Variants in TNS3 observed in about 807,000 individuals in gnomAD.
The protein encoded by TNS3 is tensin-3.
In TNS3, 45 loss-of-function variants were observed where a neutral mutation model predicts 140.9. That is an observed-to-expected ratio of 0.32 (90% confidence interval 0.25 to 0.41). The LOEUF is 0.41. TNS3 is among the 10% of genes least tolerant of loss of function. TNS3 has a pLI of 1.00. For missense variants in TNS3, 1,716 were observed against 1,906.7 expected (o/e 0.90, Z 1.86); for synonymous variants, 815 against 788.4 (o/e 1.03, Z -0.56).
chr7:47,414,592 G>A (rs895994478), intron 11 of TNS3, among the ~76,000 whole-genome samples: 1 of 152,166 alleles, frequency 6.6e-6, no homozygotes, highest in Non-Finnish European at 1.5e-5. Flanking sequence ...GTCGTGTGCT[G>A]TGCTCATCTA....
At chr7:47,516,889 C>G (rs1344145314) in intron 2 of TNS3, among the ~76,000 whole-genome samples, 1 of 152,064 alleles carries the variant, frequency 6.6e-6, no homozygotes, top group Non-Finnish European at 1.5e-5. Context: ...ATGGTGAAAC[C>G]CCAACTCTAC....
At chr7:47,549,309 G>T in intron 1 of TNS3, among the ~76,000 whole-genome samples, 1 of 152,120 alleles carries the variant, frequency 6.6e-6, no homozygotes, top group East Asian at 1.9e-4. Flanking sequence ...TGGCCAACAT[G>T]GTGAAACCCT....
At chr7:47,461,552 A>T (rs1345211868) in intron 4 of TNS3, among the ~76,000 whole-genome samples, 2 of 152,192 alleles carry the variant, frequency 1.3e-5, no homozygotes, top group African/African-American at 2.4e-5. Flanking sequence ...GTCCAGGAAC[A>T]TCATTGTTAC....
At chr7:47,333,621 GGAGTC>G (rs1206620948) in intron 20 of TNS3, among the ~76,000 whole-genome samples, 1 of 152,088 alleles carries the variant, frequency 6.6e-6, no homozygotes, top group Admixed American at 6.6e-5. Context: ...AACAGAAAAG[GGAGTC>G]GAGTACAGGA....
chr7:47,425,089 C>T (rs1176575988), intron 9 of TNS3, among the ~76,000 whole-genome samples: 6 of 152,178 alleles, frequency 3.9e-5, no homozygotes, highest in South Asian at 2.1e-4. Context: ...GAGGCCAAGG[C>T]GGGCGGATCA....
At chr7:47,330,695 G>T (rs553569134) in intron 20 of TNS3, among the ~76,000 whole-genome samples, 1 of 152,220 alleles carries the variant, frequency 6.6e-6, no homozygotes, top group African/African-American at 2.4e-5. Context: ...AGCAGACTTG[G>T]TTGCCAGAGG....
Position 47,481,109 on chromosome 7 carries a change from C to T in TNS3, c.-82G>A, listed in dbSNP as rs781298738. 7.8e-7 allele frequency: 1 copy of T among 1,289,772 alleles called. No individual in the cohort carries two copies. Among genetic ancestry groups the T allele is most frequent in the Non-Finnish European group, 1.0e-6 (1 of 988,862 alleles). 79.9% of individuals were successfully genotyped at this position (1,289,772 alleles called of 1,614,324 possible). ...AGAAATGCAAAGGGCTTACCTGTTC[C>T]AGTCGGACTTGCACACCGCAGGGAA... is the stretch of plus-strand genomic sequence containing the variant. On this transcript the variant is annotated 5_prime_UTR_variant, in exon 4 of 31. Coordinates refer to ENST00000311160, the MANE Select transcript of TNS3 (RefSeq NM_022748.12).
chr7:47,352,978 C>T (rs1789774735), intron 17 of TNS3, among the ~76,000 whole-genome samples: 1 of 152,224 alleles, frequency 6.6e-6, no homozygotes, highest in East Asian at 1.9e-4. Context: ...TTGCTTCACA[C>T]TCTGATGTCT....
intron 3 of TNS3, among the ~76,000 whole-genome samples, chr7:47,498,233 G>A (rs1410566776): frequency 6.6e-6 from 1 of 152,244 alleles, no homozygotes; most frequent in East Asian, 1.9e-4. Context: ...TTGCAGGCAC[G>A]GGGTGCCCTT....
At position 47,489,742 on chromosome 7, in the gene TNS3, G is replaced by A. The variant is rs908650127; in HGVS notation, c.-114-8601C>T. Among the ~76,000 whole-genome samples, 13 of 152,172 alleles carry A rather than the reference G, an allele frequency of 8.5e-5. No homozygotes were observed. The East Asian group carries it at 1.2e-3, about 14-fold the overall frequency. The stretch of plus-strand genomic sequence containing the variant: ...TTGGAACAATGTCCAGGGGATTCTC[G>A]AAGTGGCTGAAAAGCACTTTCAGGA... On this transcript the variant is annotated intron_variant, in intron 3 of 30. Coordinates refer to ENST00000311160, the MANE Select transcript of TNS3 (RefSeq NM_022748.12).
At chr7:47,553,624 G>GAA (rs1562852611) in intron 1 of TNS3, among the ~76,000 whole-genome samples, 1 of 152,030 alleles carries the variant, frequency 6.6e-6, no homozygotes, top group Admixed American at 6.5e-5. Flanking sequence ...CTACTGCTCA[G>GAA]AAAAAAAGAG....
intron 10 of TNS3, among the ~76,000 whole-genome samples, chr7:47,421,321 G>A (rs1303376634): frequency 6.6e-6 from 1 of 152,192 alleles, no homozygotes; most frequent in African/African-American, 2.4e-5. Flanking sequence ...AGGCTGGCAT[G>A]CAGTGGGGCA....
At chr7:47,491,581 AGGCCATCTC>A in intron 3 of TNS3, among the ~76,000 whole-genome samples, 1 of 152,214 alleles carries the variant, frequency 6.6e-6, no homozygotes, top group Non-Finnish European at 1.5e-5. Context: ...TAGTTACCGA[AGGCCATCTC>A]AGTCGGCCAT....
At position 47,373,724 on chromosome 7, in the gene TNS3, C is replaced by G. The variant is rs537504175; in HGVS notation, c.1025-4103G>C. 5.9e-5 allele frequency among the ~76,000 whole-genome samples: 9 copies of G among 152,358 alleles called. No homozygotes were observed. The South Asian group carries it at 1.9e-3, about 32-fold the overall frequency. On this transcript the variant is annotated intron_variant, in intron 16 of 30. Transcript: ENST00000311160. ...GGCAGGGAGTTTGCTTTATTTTGCT[C>G]TCCCTTGCATTTCTAGCATTAGTGA...
At chr7:47,508,699 G>A (rs890996849) in intron 2 of TNS3, among the ~76,000 whole-genome samples, 10 of 152,210 alleles carry the variant, frequency 6.6e-5, no homozygotes, top group Admixed American at 6.5e-4. Context: ...AATCAGCTGG[G>A]CTGTGTGACA....
At chr7:47,334,605 CTTT>C (rs386410072) in intron 20 of TNS3, among the ~76,000 whole-genome samples, 1 of 118,746 alleles carries the variant, frequency 8.4e-6, no homozygotes. Context: ...AACCACGACT[CTTT>C]TTTTTTTTTT....
In TNS3 at chr7:47,407,319, C is replaced by A. The variant is rs1793505476; in HGVS notation, c.723+4408G>T. 6.6e-6 allele frequency among the ~76,000 whole-genome samples: 1 copy of A among 152,224 alleles called. No homozygotes were observed. Among genetic ancestry groups the A allele is most frequent in the Admixed American group, 6.5e-5 (1 of 15,288 alleles). On this transcript the variant is annotated intron_variant, in intron 13 of 30. Transcript: ENST00000311160. The surrounding 1 kb of genome is among the most constrained non-coding windows in gnomAD (Gnocchi z 4.1). ...TCTCCCACCTAACCTTTAGCTCTTG[C>A]CGCCGCGCACCTTCTGCCATGCTCA...
intron 20 of TNS3, among the ~76,000 whole-genome samples, chr7:47,326,951 C>T (rs1000857254): frequency 1.3e-5 from 2 of 152,108 alleles, no homozygotes; most frequent in Admixed American, 1.3e-4. Context: ...TCTGGGTTTT[C>T]CCCTCGCTCC....
At chr7:47,581,706 G>A in intron 1 of TNS3, 1 of 151,680 alleles carries the variant, frequency 6.6e-6, no homozygotes, top group South Asian at 2.1e-4. Flanking sequence ...GCTGGCCCGC[G>A]CCCCAGCCCC....
Sources: gnomAD v4.1 joint callset for allele counts (sites outside exome capture counted in the v4.1 genomes callset) on GRCh38, gnomAD v4.1.1 for gene constraint, Gnocchi (gnomAD v3.1) non-coding constraint, MANE v1.5 for transcripts, NCBI Gene and HGNC (gene_info 2026-07-23, HGNC 2026-07-21) for gene names.